AGL: variants seen among roughly 807,000 people sequenced by gnomAD.
The protein encoded by AGL is amylo-alpha-1,6-glucosidase and 4-alpha-glucanotransferase, also known as glycogen debranching enzyme.
Under a neutral mutation model 199.3 loss-of-function variants are expected in AGL, and 128 were observed. The ratio of observed to expected loss-of-function variants is 0.64; its 90% CI spans 0.56 to 0.74. The LOEUF is 0.74. Among genes scored for constraint, AGL ranks in the 30% least tolerant of loss-of-function variants. The pLI is 0.00. For missense variants in AGL, 1,809 were observed against 1,820.8 expected (o/e 0.99, Z 0.12); for synonymous variants, 584 against 594.7 (o/e 0.98, Z 0.26).
At chr1:99,887,364 C>T (rs190723710) in intron 20 of AGL, among the ~76,000 whole-genome samples, 240 of 152,230 alleles carry the variant, frequency 1.6e-3, no homozygotes, top group Admixed American at 5.0e-3. Context: ...CAGGAGGCAT[C>T]TTAATCTGAG....
chr1:99,855,944 G>C (rs940368591), intron 2 of AGL, among the ~76,000 whole-genome samples: 1 of 152,252 alleles, frequency 6.6e-6, no homozygotes, highest in South Asian at 2.1e-4. Flanking sequence ...TTAGAAGACT[G>C]AGTTTCTATA....
intron 30 of AGL, among the ~76,000 whole-genome samples, chr1:99,914,086 C>G (rs1039806290): frequency 6.6e-6 from 1 of 152,002 alleles, no homozygotes; most frequent in Admixed American, 6.6e-5. Context: ...GAGTTTGAGA[C>G]CAGCCTGGAT....
At chr1:99,851,256 G>A (rs1648929555) in intron 2 of AGL, 132 bp downstream of exon 2, 1 of 814,754 alleles carries the variant, frequency 1.2e-6, no homozygotes, top group African/African-American at 1.7e-5. Flanking sequence ...TTTGTGCAAA[G>A]ATGGTGCTGT....
intron 25 of AGL, among the ~76,000 whole-genome samples, chr1:99,898,268 G>C (rs1019291983): frequency 6.6e-6 from 1 of 152,046 alleles, no homozygotes; most frequent in Admixed American, 6.6e-5. Context: ...GGATGGTCTC[G>C]ATATCCTGAC....
chr1:99,915,066 G>A (rs759542763), intron 30 of AGL, among the ~76,000 whole-genome samples: 24 of 152,104 alleles, frequency 1.6e-4, no homozygotes, highest in Non-Finnish European at 2.9e-4. Context: ...GTGACAGAGT[G>A]AGACCCTGTC....
chr1:99,878,370 A>G (rs552568140), intron 12 of AGL, among the ~76,000 whole-genome samples: 2 of 152,130 alleles, frequency 1.3e-5, no homozygotes, highest in Non-Finnish European at 2.9e-5. Flanking sequence ...ATTAAATTAA[A>G]TAAAAAATAA....
intron 2 of AGL, chr1:99,861,161 T>C (rs912033596): frequency 1.1e-5 from 13 of 1,168,918 alleles, no homozygotes; most frequent in Non-Finnish European, 1.1e-5. Context: ...ATGCCTGCCA[T>C]TGGGTACTTA....
intron 3 of AGL, 84 bp from the exon 4 acceptor site, chr1:99,862,173 C>T: frequency 7.7e-7 from 1 of 1,304,564 alleles, no homozygotes; most frequent in Non-Finnish European, 1.1e-6. Flanking sequence ...GACAATTAAC[C>T]TTTTAGTTAG....
intron 7 of AGL, among the ~76,000 whole-genome samples, chr1:99,873,685 C>CA (rs1445232639): frequency 6.6e-6 from 1 of 152,172 alleles, no homozygotes; most frequent in Non-Finnish European, 1.5e-5. Context: ...CCACCCACCT[C>CA]AGCCTCCCAA....
Position 99,861,255 on chromosome 1 carries a change from C to G in AGL, c.83-248C>G. 6.0e-6 allele frequency: 8 copies of G among 1,344,284 alleles called. No homozygotes were observed. In the South Asian group the frequency reaches 1.3e-4, roughly 21 times the overall value. The allele number at this position is 1,344,284 out of a possible 1,614,324, so 83.3% of individuals were successfully genotyped here. On this transcript the variant is annotated intron_variant, in intron 2 of 33. Coordinates refer to ENST00000361915, the MANE Select transcript of AGL (RefSeq NM_000642.3). ...CCAAGTTGCTATGTGAATAGGAATG[C>G]GTTTCCAGGGGAAGGAGAAAGAGAC...
intron 30 of AGL, among the ~76,000 whole-genome samples, chr1:99,914,424 A>G (rs1387321042): frequency 1.3e-5 from 2 of 152,140 alleles, no homozygotes; most frequent in Non-Finnish European, 2.9e-5. Flanking sequence ...TTAAATCTAT[A>G]CTTTAGTCTA....
intron 25 of AGL, among the ~76,000 whole-genome samples, chr1:99,899,834 A>G (rs1653670413): frequency 6.6e-6 from 1 of 150,922 alleles, no homozygotes; most frequent in African/African-American, 2.4e-5. Flanking sequence ...GTTAGTCAGG[A>G]TGGTCTCGAT....
At chr1:99,917,089 A>T (rs1655178491) in intron 33 of AGL, among the ~76,000 whole-genome samples, 1 of 152,180 alleles carries the variant, frequency 6.6e-6, no homozygotes, top group Admixed American at 6.5e-5. Flanking sequence ...TATATCAAGA[A>T]ATAGTTTTCA....
At chr1:99,893,629 A>G (rs1383126113) in intron 24 of AGL, among the ~76,000 whole-genome samples, 1 of 152,216 alleles carries the variant, frequency 6.6e-6, no homozygotes, top group African/African-American at 2.4e-5. Context: ...AACATCTTCA[A>G]AATATACACT....
At chr1:99,885,110 C>T (rs775886798) in intron 20 of AGL, among the ~76,000 whole-genome samples, 10 of 152,196 alleles carry the variant, frequency 6.6e-5, no homozygotes, top group Non-Finnish European at 1.3e-4. Flanking sequence ...TTTTGGACAT[C>T]TAGATTGCTT....
intron 28 of AGL, 42 bp downstream of exon 28, chr1:99,910,889 T>C: frequency 6.3e-7 from 1 of 1,590,024 alleles, no homozygotes; most frequent in African/African-American, 1.3e-5. Flanking sequence ...TACCCTTCTT[T>C]AAGAAAGCAC....
At chr1:99,891,474 A>G in intron 22 of AGL, 118 bp downstream of exon 22, 1 of 1,508,936 alleles carries the variant, frequency 6.6e-7, no homozygotes, top group Non-Finnish European at 9.1e-7. Context: ...TTCCTTCATC[A>G]TCTTTCAGTT....
At position 99,902,808 on chromosome 1, in the gene AGL, A is replaced by G. The variant is rs368141566; in HGVS notation, c.3700+14A>G. ...TGAAGGACGAAGGTACAGAACTTTAACTAAAATAGTACAAATTTATCAAGG... is the reference window on the plus strand; with the variant it reads ...TGAAGGACGAAGGTACAGAACTTTAGCTAAAATAGTACAAATTTATCAAGG... On this transcript the variant is annotated intron_variant, in intron 27 of 33. Transcript: ENST00000361915. The G allele has an allele frequency of 2.2e-4, 354 of 1,574,738 alleles. No homozygotes were observed. Among genetic ancestry groups the G allele is most frequent in the Non-Finnish European group, 2.9e-4 (331 of 1,145,074 alleles).
intron 12 of AGL, among the ~76,000 whole-genome samples, chr1:99,878,514 C>A (rs1651750899): frequency 6.6e-6 from 1 of 151,976 alleles, no homozygotes; most frequent in African/African-American, 2.4e-5. Context: ...CTGAACAATG[C>A]CAATACTTAT....
Sources: allele counts gnomAD v4.1 joint callset (sites outside exome capture counted in the v4.1 genomes callset), GRCh38; gene constraint gnomAD v4.1.1; transcripts MANE v1.5; gene names NCBI Gene and HGNC (gene_info 2026-07-23, HGNC 2026-07-21).